The following ADAMTS18 variants were observed in gnomAD, a reference collection of about 807,000 sequenced individuals.
ADAMTS18 encodes A disintegrin and metalloproteinase with thrombospondin motifs 18.
Under a neutral mutation model 165.9 loss-of-function variants are expected in ADAMTS18, and 157 were observed. The observed-to-expected ratio is 0.95, with a 90% confidence interval of 0.83 to 1.08. ADAMTS18 has a LOEUF of 1.08. Among genes scored for constraint, ADAMTS18 ranks in the 50% least tolerant of loss-of-function variants. The probability of loss-of-function intolerance (pLI) is 0.00; values close to 1 mark genes in which losing one functional copy is unlikely to be tolerated. For synonymous variants in ADAMTS18, 782 were observed against 578.2 expected (o/e 1.35, Z -5.06); for missense variants, 2,040 against 1,534.0 (o/e 1.33, Z -5.51).
chr16:77,316,280 G>A (rs539240958), intron 16 of ADAMTS18, among the ~76,000 whole-genome samples: 48 of 147,168 alleles, frequency 3.3e-4, no homozygotes, highest in African/African-American at 1.1e-3. Flanking sequence ...TTTTGAGACA[G>A]AGTCTCGCTG....
At chr16:77,393,120 C>T (rs1306535795) in intron 3 of ADAMTS18, among the ~76,000 whole-genome samples, 1 of 152,264 alleles carries the variant, frequency 6.6e-6, no homozygotes, top group African/African-American at 2.4e-5. Flanking sequence ...TGAAAGAGTA[C>T]CCAGGGACCA....
At chr16:77,359,450 A>T in intron 7 of ADAMTS18, 27 bp from the exon 8 acceptor site, 1 of 1,585,482 alleles carries the variant, frequency 6.3e-7, no homozygotes, top group Non-Finnish European at 8.6e-7. Flanking sequence ...TTCAAATGTG[A>T]ATCCAAAGGT....
intron 12 of ADAMTS18, among the ~76,000 whole-genome samples, chr16:77,334,361 T>G (rs1439329157): frequency 9.1e-6 from 1 of 110,274 alleles, no homozygotes; most frequent in African/African-American, 3.9e-5. Flanking sequence ...ATACTACATA[T>G]TTATATTATA....
At chr16:77,389,849 A>T (rs2057161998) in intron 3 of ADAMTS18, among the ~76,000 whole-genome samples, 1 of 152,208 alleles carries the variant, frequency 6.6e-6, no homozygotes. Flanking sequence ...GTGCACTGGT[A>T]TGCATAGGCT....
At chr16:77,394,989 C>T (rs2057238002) in intron 3 of ADAMTS18, among the ~76,000 whole-genome samples, 1 of 152,104 alleles carries the variant, frequency 6.6e-6, no homozygotes, top group African/African-American at 2.4e-5. Flanking sequence ...ATGCAGAAAA[C>T]CCTAGGCACA....
At chr16:77,421,793 C>A (rs933900759) in intron 3 of ADAMTS18, among the ~76,000 whole-genome samples, 1 of 152,052 alleles carries the variant, frequency 6.6e-6, no homozygotes, top group Admixed American at 6.5e-5. Flanking sequence ...CAATTGCATG[C>A]AACTAAGAAG....
intron 5 of ADAMTS18, 147 bp downstream of exon 5, chr16:77,364,041 A>G (rs937316042): frequency 1.6e-6 from 2 of 1,276,572 alleles, no homozygotes; most frequent in Non-Finnish European, 2.2e-6. Context: ...AAAAAATAAA[A>G]CCACATATGT....
At chr16:77,371,878 G>A (rs980877470) in intron 3 of ADAMTS18, among the ~76,000 whole-genome samples, 1 of 152,076 alleles carries the variant, frequency 6.6e-6, no homozygotes, top group Non-Finnish European at 1.5e-5. Context: ...TACCCGATAA[G>A]AGTTAATATC....
Position 77,434,636 on chromosome 16 carries a change from C to G in ADAMTS18, c.60G>C (p.Arg20Ser). The G allele has an allele frequency of 6.7e-7, 1 of 1,485,640 alleles. No individual in the cohort carries two copies. Among genetic ancestry groups the G allele is most frequent in the Non-Finnish European group, 8.9e-7 (1 of 1,125,232 alleles). 92.0% of individuals were successfully genotyped at this position (1,485,640 alleles called of 1,614,324 possible). ...CCACGCGCCCCAGTCCCGCCAGGCC[C>G]CTCGGCGGGCCCGAACCCGCAGCCG... ...AFPAAGSGPP[R>S]GLAGLGRVAK... The change falls in exon 1 of 23, where the codon AGG becomes AGC. Residue 20 changes from arginine (R) to serine (S), a missense_variant. Arg to Ser is a moderately radical substitution (Grantham distance 110). Transcript: ENST00000282849.
rs2056291574 is a variant in ADAMTS18, at chr16:77,335,340, A to G, written c.1859+416T>C. On this transcript the variant is annotated intron_variant, in intron 12 of 22. Transcript: ENST00000282849. Reference sequence around the variant, plus strand: ...GTGCATTGACAGAGCTGGGAAGGGTAGTGGGGAGGGAGAATGGTAATGTCA... The same window carrying G: ...GTGCATTGACAGAGCTGGGAAGGGTGGTGGGGAGGGAGAATGGTAATGTCA... Among the ~76,000 whole-genome samples, 4 of 151,446 alleles carry G rather than the reference A, an allele frequency of 2.6e-5. No homozygotes were observed. In the South Asian group the frequency reaches 8.3e-4, roughly 31 times the overall value.
intron 3 of ADAMTS18, among the ~76,000 whole-genome samples, chr16:77,381,456 G>A (rs1374550529): frequency 2.6e-5 from 4 of 152,178 alleles, no homozygotes; most frequent in African/African-American, 7.2e-5. Flanking sequence ...ACAAAGAGAT[G>A]CAAGTAAACT....
intron 21 of ADAMTS18, 34 bp from the exon 22 acceptor site, chr16:77,289,445 A>T: frequency 6.2e-7 from 1 of 1,611,700 alleles, no homozygotes; most frequent in Non-Finnish European, 8.5e-7. Context: ...AGTCAGAAAC[A>T]CTCTACTGAG....
intron 3 of ADAMTS18, among the ~76,000 whole-genome samples, chr16:77,383,889 T>C (rs910003332): frequency 2.6e-5 from 4 of 152,104 alleles, no homozygotes; most frequent in African/African-American, 9.7e-5. Flanking sequence ...AATAGGATGC[T>C]TCAAAGGTCA....
intron 16 of ADAMTS18, among the ~76,000 whole-genome samples, chr16:77,315,512 C>T (rs976806383): frequency 6.6e-6 from 1 of 152,156 alleles, no homozygotes; most frequent in African/African-American, 2.4e-5. Context: ...TGTGCAGGTG[C>T]AGGGCAAAAA....
At chr16:77,337,830 A>G (rs8044388) in intron 11 of ADAMTS18, among the ~76,000 whole-genome samples, 3 of 152,140 alleles carry the variant, frequency 2.0e-5, no homozygotes, top group African/African-American at 2.4e-5. Context: ...CATTCACATG[A>G]ATAGGTAAAA....
At chr16:77,334,704 ACTGTATACTATAGTATACTAC>A (rs2056265256) in intron 12 of ADAMTS18, among the ~76,000 whole-genome samples, 1 of 108,450 alleles carries the variant, frequency 9.2e-6, no homozygotes, top group Non-Finnish European at 1.8e-5. Flanking sequence ...GTATATATAT[ACTGTATACTATAGTATACTAC>A]TATATACTAT....
chr16:77,385,027 G>C (rs1597207665), intron 3 of ADAMTS18, among the ~76,000 whole-genome samples: 2 of 151,608 alleles, frequency 1.3e-5, no homozygotes. Context: ...TCCTGCCTCA[G>C]CCTCCCAAGT....
intron 12 of ADAMTS18, among the ~76,000 whole-genome samples, chr16:77,335,153 T>C (rs74390552): frequency 0.01 from 1,518 of 150,422 alleles, 29 homozygotes; most frequent in African/African-American, 0.035. Context: ...TATTCAGCCA[T>C]TATAAAAATG....
intron 8 of ADAMTS18, among the ~76,000 whole-genome samples, chr16:77,358,360 G>A (rs2056662392): frequency 6.6e-6 from 1 of 152,148 alleles, no homozygotes; most frequent in African/African-American, 2.4e-5. Flanking sequence ...CAGATCACCT[G>A]TAGTCAGCAT....
Sources: gnomAD v4.1 joint callset for allele counts (sites outside exome capture counted in the v4.1 genomes callset) on GRCh38, gnomAD v4.1.1 for gene constraint, MANE v1.5 for transcripts, NCBI Gene and HGNC (gene_info 2026-07-23, HGNC 2026-07-21) for gene names.